RASEF: variants seen among roughly 807,000 people sequenced by gnomAD.
RASEF encodes the protein RAS and EF-hand domain containing.
Under a neutral mutation model 90.1 loss-of-function variants are expected in RASEF, and 68 were observed. The observed-to-expected ratio is 0.75, with a 90% confidence interval of 0.62 to 0.92. The LOEUF is 0.92. RASEF is among the 40% of genes least tolerant of loss of function. The probability of loss-of-function intolerance (pLI) is 0.00; values close to 1 mark genes in which losing one functional copy is unlikely to be tolerated. For synonymous variants in RASEF, 331 were observed against 345.2 expected (o/e 0.96, Z 0.46); for missense variants, 949 against 937.2 (o/e 1.01, Z -0.16).
At chr9:83,197,238 G>A in the RASEF span, among the ~76,000 whole-genome samples, 6 of 152,210 alleles carry the variant, frequency 3.9e-5, no homozygotes, top group Non-Finnish European at 8.8e-5. Context: ...TTATGGGCAT[G>A]TTGATCCCTC....
chr9:83,134,191 T>G, the RASEF span, among the ~76,000 whole-genome samples: 7 of 152,072 alleles, frequency 4.6e-5, no homozygotes, highest in Admixed American at 4.6e-4. Context: ...TCTCCCTCCC[T>G]ACTCTCAGCC....
chr9:82,996,694 T>C (rs1465999298), intron 14 of RASEF, among the ~76,000 whole-genome samples: 1 of 152,190 alleles, frequency 6.6e-6, no homozygotes. Flanking sequence ...ACCATCTCCT[T>C]GTTTGTAATA....
chr9:83,001,057 A>C lies in RASEF; in HGVS notation c.1276T>G (p.Cys426Gly). ...CTTTCAGGCAGGCTGTCAACTTCAC[A>C]ATTTGTCCTCTGCAGAGGATCACAG... ...ALCDPLQRTN[C>G]EVDSLPESCF... Residue 426 changes from cysteine to glycine, a missense_variant, in exon 10 of 17, where the codon TGT (cysteine) becomes GGT (glycine). By Grantham distance (159) the Cys-to-Gly change is radical. Transcript: ENST00000376447. The C allele has an allele frequency of 1.2e-6, 2 of 1,614,142 alleles. No individual in the cohort carries two copies. The highest frequency in any genetic ancestry group is 1.7e-6 in the Non-Finnish European group (2 of 1,180,026).
chr9:83,005,513 G>C lies in RASEF; in HGVS notation c.1029-13C>G. On this transcript the variant is annotated splice_polypyrimidine_tract_variant and intron_variant, in intron 7 of 16. Transcript: ENST00000376447. ...CCGGTTAGCTGTTCTGCAGGGTAAA[G>C]AAACAAGCAGAAAGAGAGACAAGGA... The C allele has an allele frequency of 6.3e-7, 1 of 1,593,488 alleles. No individual in the cohort carries two copies. The highest frequency in any genetic ancestry group is 1.7e-4 in the Middle Eastern group (1 of 6,020).
In RASEF at chr9:82,979,766, A is replaced by G. The variant is rs1049295034; in HGVS notation, c.*2911T>C. The stretch of plus-strand genomic sequence containing the variant: ...GAAAATGTAAACCATATAAATCAAA[A>G]TCATAAAACAATTATTCAATACTCA... On this transcript the variant is annotated 3_prime_UTR_variant, in exon 17 of 17. Transcript: ENST00000376447. 1.3e-5 allele frequency: 2 copies of G among 152,244 alleles called. No homozygotes were observed. Among genetic ancestry groups the G allele is most frequent in the African/African-American group, 4.8e-5 (2 of 41,464 alleles). 9.4% of individuals were successfully genotyped at this position (152,244 alleles called of 1,614,324 possible).
chr9:83,092,526 C>A, the RASEF span, among the ~76,000 whole-genome samples: 2 of 151,826 alleles, frequency 1.3e-5, no homozygotes, highest in East Asian at 3.9e-4. Flanking sequence ...TCCCGGTGGG[C>A]TTGTGGTCTC....
At chr9:83,157,841 C>G in the RASEF span, among the ~76,000 whole-genome samples, 1 of 152,170 alleles carries the variant, frequency 6.6e-6, no homozygotes, top group Non-Finnish European at 1.5e-5. Flanking sequence ...AAAATGTTGA[C>G]ATTTACTATC....
At chr9:83,096,739 T>C in the RASEF span, among the ~76,000 whole-genome samples, 1 of 152,150 alleles carries the variant, frequency 6.6e-6, no homozygotes, top group Non-Finnish European at 1.5e-5. Flanking sequence ...CATTAACTCA[T>C]CATTTAACAT....
chr9:83,140,358 T>C, the RASEF span, among the ~76,000 whole-genome samples: 12 of 152,326 alleles, frequency 7.9e-5, 1 homozygote, highest in Middle Eastern at 0.01. Flanking sequence ...AGACCTCTAA[T>C]GCTGATTCAA....
chr9:83,147,412 T>C, the RASEF span, among the ~76,000 whole-genome samples: 1 of 152,218 alleles, frequency 6.6e-6, no homozygotes, highest in African/African-American at 2.4e-5. Context: ...TTTGAATCTA[T>C]ATGTAAAATA....
the RASEF span, among the ~76,000 whole-genome samples, chr9:83,165,868 C>T: frequency 6.6e-6 from 1 of 152,102 alleles, no homozygotes; most frequent in Non-Finnish European, 1.5e-5. Context: ...TCAATAAATA[C>T]ATTTTTTTAA....
intron 5 of RASEF, among the ~76,000 whole-genome samples, chr9:83,009,977 T>C (rs1258792970): frequency 2.0e-5 from 3 of 152,216 alleles, no homozygotes; most frequent in Non-Finnish European, 4.4e-5. Context: ...TCTTCATTTT[T>C]TTATGCTTGA....
chr9:83,211,700 A>G, the RASEF span, among the ~76,000 whole-genome samples: 1 of 152,138 alleles, frequency 6.6e-6, no homozygotes, highest in South Asian at 2.1e-4. Context: ...ATCATGATGC[A>G]TATAAGGGTG....
At chr9:82,993,284 C>T (rs149017642) in intron 14 of RASEF, among the ~76,000 whole-genome samples, 24 of 152,246 alleles carry the variant, frequency 1.6e-4, no homozygotes, top group Admixed American at 5.9e-4. Flanking sequence ...AACTCCATAA[C>T]GCTTGCCTCT....
At chr9:83,054,051 T>C (rs370335522) in intron 1 of RASEF, among the ~76,000 whole-genome samples, 25 of 2,530 alleles carry the variant, frequency 9.9e-3, no homozygotes, top group South Asian at 0.052. Flanking sequence ...AGGAGTATCT[T>C]TGTGGCGTTC....
intron 12 of RASEF, among the ~76,000 whole-genome samples, chr9:82,999,399 C>T (rs72740854): frequency 1.3e-5 from 2 of 152,230 alleles, no homozygotes; most frequent in Non-Finnish European, 2.9e-5. Flanking sequence ...GCACCTCTCC[C>T]TAAACTTCTT....
chr9:83,135,105 A>G, the RASEF span, among the ~76,000 whole-genome samples: 2 of 152,116 alleles, frequency 1.3e-5, no homozygotes, highest in Non-Finnish European at 2.9e-5. Context: ...ATGGGGAGTA[A>G]CTGCTAGGGG....
the RASEF span, among the ~76,000 whole-genome samples, chr9:83,144,427 A>AG: frequency 6.7e-6 from 1 of 149,734 alleles, no homozygotes; most frequent in African/African-American, 2.5e-5. Flanking sequence ...AAAAGAAAAG[A>AG]AAGAAAGGAA....
intron 1 of RASEF, chr9:83,049,292 A>T: frequency 1.0e-6 from 1 of 985,116 alleles, no homozygotes; most frequent in South Asian, 4.7e-5. Flanking sequence ...CAATGACATC[A>T]GAATTAGCAA....
Sources: gnomAD v4.1 joint callset for allele counts (sites outside exome capture counted in the v4.1 genomes callset) on GRCh38, gnomAD v4.1.1 for gene constraint, MANE v1.5 for transcripts, NCBI Gene and HGNC (gene_info 2026-07-23, HGNC 2026-07-21) for gene names.